TENM2: variants seen among roughly 807,000 people sequenced by gnomAD.
The protein encoded by TENM2 is teneurin transmembrane protein 2.
A neutral mutation model predicts 245.2 loss-of-function variants in TENM2; 52 were observed. That is an observed-to-expected ratio of 0.21 (90% CI 0.17 to 0.27). The LOEUF is 0.27. TENM2 is among the 10% of genes least tolerant of loss of function. The pLI, the probability that TENM2 is intolerant of heterozygous loss-of-function variation, is 1.00. For missense variants in TENM2, 3,046 were observed against 3,666.8 expected, an observed-to-expected ratio of 0.83 and a Z score of 4.37; for synonymous variants, 1,363 against 1,438.9, an observed-to-expected ratio of 0.95 and a Z score of 1.19.
the TENM2 span, among the ~76,000 whole-genome samples, chr5:167,181,079 A>G: frequency 6.6e-6 from 1 of 151,940 alleles, no homozygotes; most frequent in Non-Finnish European, 1.5e-5. Context: ...ACGTAAGGGG[A>G]GTCTTCAAGC....
chr5:167,795,394 C>T (rs1236948058), intron 2 of TENM2, among the ~76,000 whole-genome samples: 1 of 152,032 alleles, frequency 6.6e-6, no homozygotes, highest in Non-Finnish European at 1.5e-5. Flanking sequence ...CCTGAGAATT[C>T]AGTAATGGTG....
At chr5:167,476,520 C>A (rs905644883) in intron 2 of TENM2, among the ~76,000 whole-genome samples, 1 of 152,200 alleles carries the variant, frequency 6.6e-6, no homozygotes, top group African/African-American at 2.4e-5. Context: ...AAACTGAAGT[C>A]TTACACAGGA....
chr5:167,587,980 A>G (rs968354529), intron 2 of TENM2, among the ~76,000 whole-genome samples: 7 of 152,138 alleles, frequency 4.6e-5, no homozygotes, highest in African/African-American at 1.7e-4. Flanking sequence ...CTCTGCTGCC[A>G]TTAGTGGGAA....
chr5:168,253,434 T>A lies in TENM2; in HGVS notation c.7432+5063T>A, dbSNP rs189911711. On this transcript the variant is annotated intron_variant, in intron 27 of 28. Transcript: ENST00000518659. ...ATAAATGCATTCATTATTTTATTTT[T>A]TTTTTTTTTGAGACAGAGTCTCACT... is the stretch of plus-strand genomic sequence containing the variant. Among the ~76,000 whole-genome samples, 409 of 150,508 alleles carry A rather than the reference T, an allele frequency of 2.7e-3. 4 individuals carry two copies. The highest frequency in any genetic ancestry group is 8.8e-3 in the African/African-American group (362 of 41,136).
rs180840270 is a variant in TENM2, at chr5:167,646,136, T to A, written c.503-229850T>A. ...CATATATATGTGCATATATATGTTT[T>A]TATATATATATGTTGTTTTCATATA... On this transcript the variant is annotated intron_variant, in intron 2 of 28. Coordinates refer to ENST00000518659, the Ensembl canonical transcript of TENM2. Among the ~76,000 whole-genome samples, 81 of 136,032 alleles carry A rather than the reference T, an allele frequency of 6.0e-4. 1 individual carries two copies. The highest frequency in any genetic ancestry group is 1.3e-3 in the East Asian group (5 of 3,750). 89.2% of individuals were successfully genotyped at this position (136,032 alleles called of 152,430 possible).
intron 2 of TENM2, among the ~76,000 whole-genome samples, chr5:167,609,785 A>T (rs896049907): frequency 2.6e-5 from 4 of 152,148 alleles, no homozygotes; most frequent in African/African-American, 9.7e-5. Context: ...CTACTCTCAC[A>T]TGTTCAACAC....
the TENM2 span, among the ~76,000 whole-genome samples, chr5:167,063,176 T>A: frequency 0.02 from 3,079 of 152,304 alleles, 112 homozygotes; most frequent in African/African-American, 0.07. Context: ...TCTCAATATC[T>A]GTTTCTGGAG....
chr5:167,116,854 G>T, the TENM2 span, among the ~76,000 whole-genome samples: 1 of 152,154 alleles, frequency 6.6e-6, no homozygotes, highest in Non-Finnish European at 1.5e-5. Flanking sequence ...ACATGTGTCT[G>T]GGAAAACAAA....
the TENM2 span, among the ~76,000 whole-genome samples, chr5:167,036,276 A>G: frequency 6.6e-6 from 1 of 152,204 alleles, no homozygotes; most frequent in African/African-American, 2.4e-5. Flanking sequence ...TTTAAGGATC[A>G]GAAAAAAAGC....
intron 1 of TENM2, among the ~76,000 whole-genome samples, chr5:167,344,038 C>T (rs572890792): frequency 4.6e-5 from 7 of 151,286 alleles, no homozygotes; most frequent in Admixed American, 3.3e-4. Context: ...TATCTAGCTG[C>T]CAAACAGGAT....
chr5:167,166,366 G>C, the TENM2 span, among the ~76,000 whole-genome samples: 1 of 152,114 alleles, frequency 6.6e-6, no homozygotes, highest in African/African-American at 2.4e-5. Context: ...AATATATCTT[G>C]CTTCTGTGCT....
intron 2 of TENM2, among the ~76,000 whole-genome samples, chr5:167,600,441 G>C (rs905440586): frequency 1.3e-5 from 2 of 152,046 alleles, no homozygotes; most frequent in African/African-American, 2.4e-5. Context: ...ACTTAAAAGA[G>C]AGTTTTAACA....
In TENM2 at chr5:168,147,369, G is replaced by T. The variant is rs9918258; in HGVS notation, c.2423-15242G>T. ...CTCAACCACAGCGTTGCACACAGTA[G>T]CATATTTTGCACGGACGTTTAATTT... On this transcript the variant is annotated intron_variant, in intron 12 of 28. Transcript: ENST00000518659. 3.2e-3 allele frequency among the ~76,000 whole-genome samples: 488 copies of T among 152,294 alleles called. 3 individuals are homozygous for T. The highest frequency in any genetic ancestry group is 0.011 in the African/African-American group (471 of 41,564).
At chr5:167,992,388 A>G (rs1269393435) in intron 4 of TENM2, among the ~76,000 whole-genome samples, 1 of 152,264 alleles carries the variant, frequency 6.6e-6, no homozygotes, top group Non-Finnish European at 1.5e-5. Flanking sequence ...ATACATTTCA[A>G]GTACCTTTCA....
At chr5:167,191,058 G>A in the TENM2 span, among the ~76,000 whole-genome samples, 4 of 151,778 alleles carry the variant, frequency 2.6e-5, no homozygotes, top group African/African-American at 4.8e-5. Flanking sequence ...ATGGTGCTGG[G>A]ACAATTTGTT....
chr5:167,347,248 G>A (rs1490222524), intron 1 of TENM2, among the ~76,000 whole-genome samples: 1 of 152,106 alleles, frequency 6.6e-6, no homozygotes, highest in Non-Finnish European at 1.5e-5. Flanking sequence ...ATCCAAGTCT[G>A]TAATAAAACC....
At chr5:167,247,756 T>A in the TENM2 span, among the ~76,000 whole-genome samples, 1 of 152,156 alleles carries the variant, frequency 6.6e-6, no homozygotes, top group Admixed American at 6.6e-5. Context: ...AATCCTTGAA[T>A]CTAGCTTTTT....
At chr5:167,708,560 A>C (rs1335947014) in intron 2 of TENM2, among the ~76,000 whole-genome samples, 1 of 152,128 alleles carries the variant, frequency 6.6e-6, no homozygotes, top group Admixed American at 6.5e-5. Context: ...ATCTTTCCAC[A>C]TGTGAGTCCC....
chr5:167,058,872 T>G, the TENM2 span, among the ~76,000 whole-genome samples: 1 of 152,198 alleles, frequency 6.6e-6, no homozygotes, highest in African/African-American at 2.4e-5. Context: ...TCTCAAACTG[T>G]GGGCTGAGGT....
Sources: allele counts gnomAD v4.1 joint callset (sites outside exome capture counted in the v4.1 genomes callset), GRCh38; gene constraint gnomAD v4.1.1; transcripts MANE v1.5; gene names NCBI Gene and HGNC (gene_info 2026-07-23, HGNC 2026-07-21).